CDH18: variants seen among roughly 807,000 people sequenced by gnomAD.
CDH18 encodes the protein cadherin-18.
A neutral mutation model predicts 67.9 loss-of-function variants in CDH18; 31 were observed. The ratio of observed to expected loss-of-function variants is 0.46; its 90% confidence interval spans 0.34 to 0.62. CDH18 has a LOEUF of 0.62. Ranked by LOEUF, CDH18 falls within the 20% of genes least tolerant of loss-of-function variation. The probability of loss-of-function intolerance (pLI) is 0.01; values close to 1 mark genes in which losing one functional copy is unlikely to be tolerated. For missense variants in CDH18, 890 were observed against 975.5 expected, an observed-to-expected ratio of 0.91 and a Z score of 1.17; for synonymous variants, 362 against 347.2, an observed-to-expected ratio of 1.04 and a Z score of -0.48.
intron 2 of CDH18, among the ~76,000 whole-genome samples, chr5:20,054,085 T>C (rs946611294): frequency 6.6e-6 from 1 of 152,190 alleles, no homozygotes; most frequent in Non-Finnish European, 1.5e-5. Flanking sequence ...GCTGTTTTTC[T>C]AGAGAATTGT....
intron 10 of CDH18, among the ~76,000 whole-genome samples, chr5:19,519,589 G>C (rs1304807841): frequency 6.6e-6 from 1 of 152,174 alleles, no homozygotes; most frequent in Non-Finnish European, 1.5e-5. Context: ...GTGTGGGTAT[G>C]ACCTGTGTCT....
At chr5:19,866,516 G>A (rs551772444) in intron 2 of CDH18, among the ~76,000 whole-genome samples, 1 of 152,294 alleles carries the variant, frequency 6.6e-6, no homozygotes, top group South Asian at 2.1e-4. Context: ...AAGACAAGAT[G>A]AAGAAAGCAA....
chr5:20,308,079 CTT>C (rs759117114), intron 1 of CDH18, among the ~76,000 whole-genome samples: 108 of 85,430 alleles, frequency 1.3e-3, no homozygotes, highest in African/African-American at 5.5e-3. Context: ...AATACTACTG[CTT>C]TTTTTTTTTT....
chr5:20,421,130 A>G (rs929940949), intron 1 of CDH18, among the ~76,000 whole-genome samples: 1 of 151,032 alleles, frequency 6.6e-6, no homozygotes, highest in African/African-American at 2.5e-5. Context: ...CCAAGAACTC[A>G]GGCATTTGAT....
chr5:20,143,082 C>G (rs1750371906), intron 2 of CDH18, among the ~76,000 whole-genome samples: 1 of 152,098 alleles, frequency 6.6e-6, no homozygotes, highest in Non-Finnish European at 1.5e-5. Context: ...GTTAGTAAAA[C>G]TATGGACATT....
chr5:20,000,050 A>C (rs1189242853), intron 2 of CDH18, among the ~76,000 whole-genome samples: 1 of 152,126 alleles, frequency 6.6e-6, no homozygotes, highest in Non-Finnish European at 1.5e-5. Context: ...CTTTCATATC[A>C]TGGCAGTGAG....
chr5:20,237,559 A>G (rs1324447050), intron 2 of CDH18, among the ~76,000 whole-genome samples: 2 of 151,916 alleles, frequency 1.3e-5, no homozygotes, highest in East Asian at 1.9e-4. Flanking sequence ...CTTGCCATTT[A>G]TAACGAAATT....
intron 1 of CDH18, among the ~76,000 whole-genome samples, chr5:20,451,383 G>A (rs1195234924): frequency 6.6e-6 from 1 of 152,102 alleles, no homozygotes; most frequent in Non-Finnish European, 1.5e-5. Context: ...GAATTGAAGA[G>A]CACAGAGTCC....
At chr5:19,680,901 C>T (rs1481092988) in intron 5 of CDH18, among the ~76,000 whole-genome samples, 1 of 151,988 alleles carries the variant, frequency 6.6e-6, no homozygotes, top group South Asian at 2.1e-4. Context: ...ACCAAACAAT[C>T]CCATTATTTG....
chr5:20,206,978 T>A (rs6451730), intron 2 of CDH18, among the ~76,000 whole-genome samples: 1 of 152,076 alleles, frequency 6.6e-6, no homozygotes, highest in South Asian at 2.1e-4. Flanking sequence ...AATGTAATAC[T>A]GGAATTCCCA....
At chr5:19,829,614 T>C (rs1053580209) in intron 3 of CDH18, among the ~76,000 whole-genome samples, 2 of 152,320 alleles carry the variant, frequency 1.3e-5, no homozygotes, top group Admixed American at 1.3e-4. Flanking sequence ...GAATACCTAA[T>C]ATTGTTAAAA....
intron 2 of CDH18, among the ~76,000 whole-genome samples, chr5:19,915,658 T>G (rs2150150677): frequency 6.6e-6 from 1 of 152,212 alleles, no homozygotes; most frequent in Non-Finnish European, 1.5e-5. Context: ...TTTACAGTAT[T>G]ATACTGAATT....
intron 8 of CDH18, among the ~76,000 whole-genome samples, chr5:19,549,430 C>T (rs934130507): frequency 4.6e-5 from 7 of 152,252 alleles, no homozygotes; most frequent in African/African-American, 1.4e-4. Flanking sequence ...GCCAATTAAC[C>T]TCTTTTCTTT....
At chr5:20,150,556 T>G (rs1286524685) in intron 2 of CDH18, among the ~76,000 whole-genome samples, 1 of 152,120 alleles carries the variant, frequency 6.6e-6, no homozygotes, top group Non-Finnish European at 1.5e-5. Context: ...GGAACAGGTT[T>G]AGACACGTCT....
intron 5 of CDH18, among the ~76,000 whole-genome samples, chr5:19,720,506 C>G (rs1765945183): frequency 6.6e-6 from 1 of 152,216 alleles, no homozygotes; most frequent in East Asian, 1.9e-4. Flanking sequence ...ATGAGTTTTA[C>G]TTAACCAAAT....
chr5:20,345,797 A>AC (rs1740650139), intron 1 of CDH18, among the ~76,000 whole-genome samples: 2 of 152,254 alleles, frequency 1.3e-5, no homozygotes, highest in Non-Finnish European at 2.9e-5. Flanking sequence ...CAGAGTGGCC[A>AC]CAATGCTTCT....
At chr5:19,673,168 T>C (rs1758986968) in intron 5 of CDH18, among the ~76,000 whole-genome samples, 1 of 152,094 alleles carries the variant, frequency 6.6e-6, no homozygotes, top group South Asian at 2.1e-4. Context: ...TGCTTTATTC[T>C]GTTTTTGTTG....
Position 19,554,565 on chromosome 5 carries a change from T to A in CDH18, c.1254-10560A>T, listed in dbSNP as rs556397184. Among the ~76,000 whole-genome samples, 7 of 118,302 alleles carry A rather than the reference T, an allele frequency of 5.9e-5. No individual in the cohort carries two copies. In the South Asian group the frequency reaches 1.7e-3, roughly 28 times the overall value. 77.6% of individuals were successfully genotyped at this position (118,302 alleles called of 152,430 possible). On this transcript the variant is annotated intron_variant, in intron 8 of 12. Transcript: ENST00000382275. ...AACTTCATCTCAAAAAAAAAAACAATTTTTTTTTTTGTAAAATTCGCATGA... is the reference window on the plus strand; with the variant it reads ...AACTTCATCTCAAAAAAAAAAACAAATTTTTTTTTTGTAAAATTCGCATGA...
rs79014589 is a variant in CDH18, at chr5:19,586,811, T to C, written c.999+4246A>G. On this transcript the variant is annotated intron_variant, in intron 7 of 12. Coordinates refer to ENST00000382275, the MANE Select transcript of CDH18 (RefSeq NM_004934.5). ...TGTCTTCCAGAACGGTTGAACTAAT[T>C]TACACTTCTACCAGCAGTGTAAAAG... 7.9e-3 allele frequency among the ~76,000 whole-genome samples: 1,204 copies of C among 152,264 alleles called. 42 individuals carry two copies. In the East Asian group the frequency reaches 0.11, roughly 14 times the overall value.
Sources: gnomAD v4.1 joint callset for allele counts (sites outside exome capture counted in the v4.1 genomes callset) on GRCh38, gnomAD v4.1.1 for gene constraint, MANE v1.5 for transcripts, NCBI Gene and HGNC (gene_info 2026-07-23, HGNC 2026-07-21) for gene names.